CAST: variants seen among roughly 807,000 people sequenced by gnomAD.
The protein encoded by CAST is MIR583 host.
CAST carries 76 observed loss-of-function variants against 119.6 expected under a neutral mutation model. The observed-to-expected ratio is 0.64, with a 90% confidence interval of 0.53 to 0.77. CAST has a LOEUF of 0.77. Ranked by LOEUF, CAST falls within the 30% of genes least tolerant of loss-of-function variation. The pLI is 0.00. For synonymous variants in CAST, 319 were observed against 331.6 expected (o/e 0.96, Z 0.41); for missense variants, 953 against 946.5 (o/e 1.01, Z -0.09).
At chr5:96,741,889 T>G (rs966969740) in intron 15 of CAST, 37 of 260,708 alleles carry the variant, frequency 1.4e-4, no homozygotes, top group African/African-American at 8.0e-4. Context: ...ACCTTCAAGT[T>G]TGATTGTATA....
chr5:96,256,622 T>C, the CAST span, among the ~76,000 whole-genome samples: 5 of 151,870 alleles, frequency 3.3e-5, no homozygotes, highest in Non-Finnish European at 4.4e-5. Flanking sequence ...TAAGTATTTG[T>C]GTACCTAAAC....
intron 1 of CAST, among the ~76,000 whole-genome samples, chr5:96,590,725 T>G (rs1476144154): frequency 6.6e-6 from 1 of 152,250 alleles, no homozygotes; most frequent in African/African-American, 2.4e-5. Flanking sequence ...TGGAAACTGG[T>G]TCCTATTCTC....
chr5:96,585,298 T>C (rs1435769668), intron 1 of CAST, among the ~76,000 whole-genome samples: 1 of 152,182 alleles, frequency 6.6e-6, no homozygotes, highest in Non-Finnish European at 1.5e-5. Context: ...AGTTGGCTTA[T>C]TCCAGTTGAT....
At chr5:96,367,816 G>T in the CAST span, among the ~76,000 whole-genome samples, 1 of 151,906 alleles carries the variant, frequency 6.6e-6, no homozygotes, top group African/African-American at 2.4e-5. Context: ...CGCTCGGTGG[G>T]CTGCACCCTC....
chr5:96,729,499 CTG>C (rs1441606518), intron 7 of CAST, 111 bp from the exon 8 acceptor site: 5 of 646,626 alleles, frequency 7.7e-6, no homozygotes, highest in Non-Finnish European at 1.4e-5. Context: ...GACAGCACAA[CTG>C]TTATGAACAA....
At chr5:96,210,209 G>A in the CAST span, 2 of 151,868 alleles carry the variant, frequency 1.3e-5, no homozygotes, top group Non-Finnish European at 2.9e-5. Context: ...TTTAGTATAT[G>A]TGCTGCCAAA....
chr5:96,691,978 T>A (rs1752776163), intron 2 of CAST, among the ~76,000 whole-genome samples: 1 of 152,238 alleles, frequency 6.6e-6, no homozygotes, highest in African/African-American at 2.4e-5. Flanking sequence ...ACTCGAGTTC[T>A]GATTGACTCA....
chr5:96,588,437 T>C (rs1021801482), intron 1 of CAST, among the ~76,000 whole-genome samples: 2 of 152,084 alleles, frequency 1.3e-5, no homozygotes, highest in East Asian at 3.9e-4. Flanking sequence ...CTTGACCTCA[T>C]GATCTGCCTG....
chr5:96,482,323 G>C, the CAST span, among the ~76,000 whole-genome samples: 6 of 151,528 alleles, frequency 4.0e-5, no homozygotes, highest in African/African-American at 7.3e-5. Flanking sequence ...AAGTCAGAAG[G>C]CTGCCTATAA....
the CAST span, among the ~76,000 whole-genome samples, chr5:96,417,450 C>T: frequency 1.3e-5 from 2 of 151,970 alleles, no homozygotes; most frequent in Non-Finnish European, 2.9e-5. Context: ...CATGGGGCCC[C>T]TCCTCTCAGA....
intron 1 of CAST, among the ~76,000 whole-genome samples, chr5:96,669,308 CA>C (rs1316195578): frequency 6.6e-6 from 1 of 152,176 alleles, no homozygotes. Flanking sequence ...TACCAATTTG[CA>C]CATTGTCTCT....
upstream of CAST, among the ~76,000 whole-genome samples, chr5:96,661,862 G>GCA (rs3048781): frequency 0.32 from 47,724 of 151,140 alleles, 9,057 homozygotes; most frequent in African/African-American, 0.54. Context: ...GTGCACGCAC[G>GCA]CACACACACA....
the CAST span, among the ~76,000 whole-genome samples, chr5:96,268,048 C>T: frequency 6.6e-6 from 1 of 151,826 alleles, no homozygotes; most frequent in East Asian, 1.9e-4. Context: ...TTTTGTAAGC[C>T]TCATGGTAAC....
At chr5:95,961,464 G>A in the CAST span, 1 of 1,278,546 alleles carries the variant, frequency 7.8e-7, no homozygotes, top group African/African-American at 1.6e-5. Context: ...TGCGGGCGCT[G>A]ACGGTAGCAG....
At chr5:96,608,432 G>A (rs2150195615) in intron 1 of CAST, among the ~76,000 whole-genome samples, 1 of 152,082 alleles carries the variant, frequency 6.6e-6, no homozygotes, top group Admixed American at 6.5e-5. Flanking sequence ...TTGTGGACTA[G>A]GTTTAATACT....
the CAST span, among the ~76,000 whole-genome samples, chr5:96,513,779 A>G: frequency 6.6e-6 from 1 of 152,204 alleles, no homozygotes; most frequent in Non-Finnish European, 1.5e-5. Context: ...TTGCCATAAC[A>G]AAGTACCACA....
At chr5:96,422,083 A>G in the CAST span, 292 of 690,992 alleles carry the variant, frequency 4.2e-4, 3 homozygotes, top group Admixed American at 1.3e-3. Flanking sequence ...AAAAGCCTGC[A>G]TTTTAGAGTT....
chr5:96,295,222 C>T, the CAST span, among the ~76,000 whole-genome samples: 36 of 152,216 alleles, frequency 2.4e-4, no homozygotes, highest in Admixed American at 1.4e-3. Flanking sequence ...TCTTTTGAAT[C>T]GAATGCCCCC....
the CAST span, among the ~76,000 whole-genome samples, chr5:96,371,762 A>G: frequency 6.6e-6 from 1 of 152,194 alleles, no homozygotes; most frequent in Admixed American, 6.5e-5. Flanking sequence ...ACCAGTCTAT[A>G]CTGGTCTTTA....
Sources: allele counts gnomAD v4.1 joint callset (sites outside exome capture counted in the v4.1 genomes callset), GRCh38; gene constraint gnomAD v4.1.1; transcripts MANE v1.5; gene names NCBI Gene and HGNC (gene_info 2026-07-23, HGNC 2026-07-21).